The following FAM13A variants were observed in gnomAD, a reference collection of about 807,000 sequenced individuals.
FAM13A encodes family with sequence similarity 13 member A, also known as protein FAM13A.
Under a neutral mutation model 129.6 loss-of-function variants are expected in FAM13A, and 76 were observed. The ratio of observed to expected loss-of-function variants is 0.59; its 90% CI spans 0.49 to 0.71. FAM13A has a LOEUF of 0.71. Ranked by LOEUF, FAM13A falls within the 30% of genes least tolerant of loss-of-function variation. The pLI is 0.00. For synonymous variants in FAM13A, 443 were observed against 449.9 expected (o/e 0.98, Z 0.20); for missense variants, 1,108 against 1,249.3 (o/e 0.89, Z 1.70).
intron 8 of FAM13A, among the ~76,000 whole-genome samples, chr4:88,801,324 G>C (rs1727420193): frequency 6.6e-6 from 1 of 152,278 alleles, no homozygotes; most frequent in Non-Finnish European, 1.5e-5. Flanking sequence ...ATTAGAAACA[G>C]TAAGTCTATC....
At chr4:88,780,398 A>C (rs567603949) in intron 11 of FAM13A, among the ~76,000 whole-genome samples, 58 of 152,304 alleles carry the variant, frequency 3.8e-4, no homozygotes, top group African/African-American at 1.4e-3. Context: ...GCCTATTTTT[A>C]TTAGGGATTC....
chr4:88,854,011 C>T (rs1036051508), intron 6 of FAM13A, among the ~76,000 whole-genome samples: 10 of 152,194 alleles, frequency 6.6e-5, no homozygotes, highest in Non-Finnish European at 1.3e-4. Context: ...CTATCGGCTT[C>T]CCTACTTTTG....
chr4:88,846,867 T>C (rs989309488), intron 7 of FAM13A, among the ~76,000 whole-genome samples: 5 of 152,214 alleles, frequency 3.3e-5, no homozygotes, highest in Non-Finnish European at 7.3e-5. Flanking sequence ...ATTTAAAATA[T>C]ATGAACTAGC....
At chr4:88,843,782 A>C (rs1578919148) in intron 7 of FAM13A, among the ~76,000 whole-genome samples, 1 of 152,264 alleles carries the variant, frequency 6.6e-6, no homozygotes, top group Admixed American at 6.5e-5. Context: ...AGAGCTGCAG[A>C]GAAATGTTAC....
At chr4:88,952,393 G>A (rs998825107) in intron 4 of FAM13A, among the ~76,000 whole-genome samples, 5 of 151,856 alleles carry the variant, frequency 3.3e-5, no homozygotes, top group Non-Finnish European at 5.9e-5. Flanking sequence ...GCATAATGGC[G>A]GCTATCAAAA....
chr4:88,933,537 C>T (rs1753378348), intron 5 of FAM13A, among the ~76,000 whole-genome samples: 1 of 152,106 alleles, frequency 6.6e-6, no homozygotes, highest in South Asian at 2.1e-4. Flanking sequence ...GATAGCTCAA[C>T]CTCCAAAATC....
At chr4:88,784,192 G>C (rs748886948) in intron 10 of FAM13A, among the ~76,000 whole-genome samples, 2 of 152,120 alleles carry the variant, frequency 1.3e-5, no homozygotes, top group Non-Finnish European at 2.9e-5. Flanking sequence ...GTGCATCCAC[G>C]TGTCTCTTCT....
At chr4:88,733,612 C>G (rs1172529850) in intron 21 of FAM13A, among the ~76,000 whole-genome samples, 1 of 152,278 alleles carries the variant, frequency 6.6e-6, no homozygotes, top group South Asian at 2.1e-4. Context: ...TCCTTCCCCT[C>G]CCCTGGATAA....
rs1762865728 is a variant in FAM13A at position 88,991,029 on chromosome 4, C to G, written c.549G>C (p.Val183=). ...GATTGTGAACATTCATGCGATTCTG[C>G]ACATGATGCTTGGCTACTTTTGTCA... ...QFLTKVAKHH[V]QNRMNVHNLA... The change falls in exon 4 of 24, where the codon GTG becomes GTC. Residue 183 remains valine, a synonymous_variant. Transcript: ENST00000264344. 1 of 1,614,176 alleles carries G rather than the reference C, an allele frequency of 6.2e-7. No homozygotes were observed. The highest frequency in any genetic ancestry group is 8.5e-7 in the Non-Finnish European group (1 of 1,180,020).
intron 4 of FAM13A, among the ~76,000 whole-genome samples, chr4:88,984,476 CAGA>C (rs1364341519): frequency 6.6e-6 from 1 of 151,958 alleles, no homozygotes; most frequent in Non-Finnish European, 1.5e-5. Flanking sequence ...TAAAAATAGG[CAGA>C]AGATCTGAAT....
At chr4:88,762,550 G>T (rs116285816) in intron 13 of FAM13A, among the ~76,000 whole-genome samples, 2,041 of 152,222 alleles carry the variant, frequency 0.013, 39 homozygotes, top group African/African-American at 0.047. Context: ...TGACAGGGTT[G>T]CCTTGCCTAG....
intron 6 of FAM13A, among the ~76,000 whole-genome samples, chr4:88,896,361 G>A (rs998005617): frequency 5.9e-5 from 9 of 151,798 alleles, no homozygotes; most frequent in Admixed American, 5.2e-4. Context: ...CGTGGCACAC[G>A]TATACATATG....
At chr4:88,803,905 C>A (rs10012624) in intron 8 of FAM13A, among the ~76,000 whole-genome samples, 76,977 of 152,056 alleles carry the variant, frequency 0.51, 19,704 homozygotes, top group East Asian at 0.69. Context: ...AAGTCAGATT[C>A]AAAAATAAAT....
chr4:88,934,255 ACTACATATTTTCT>A (rs1753505479), intron 5 of FAM13A, among the ~76,000 whole-genome samples: 1 of 152,144 alleles, frequency 6.6e-6, no homozygotes, highest in African/African-American at 2.4e-5. Flanking sequence ...CATCTGACAT[ACTACATATTTTCT>A]TTTCTTTTTT....
At chr4:88,999,186 T>C (rs769919535) in intron 3 of FAM13A, among the ~76,000 whole-genome samples, 4 of 152,190 alleles carry the variant, frequency 2.6e-5, no homozygotes, top group Non-Finnish European at 4.4e-5. Flanking sequence ...TTTAGTCCTA[T>C]AACCAAAACA....
chr4:88,769,810 A>G (rs1232003914), intron 11 of FAM13A, among the ~76,000 whole-genome samples: 2 of 151,952 alleles, frequency 1.3e-5, no homozygotes, highest in African/African-American at 2.4e-5. Context: ...CAGCCTGGCG[A>G]CAGAGCGAGA....
At chr4:88,936,336 A>C (rs1753836111) in intron 5 of FAM13A, 1 of 152,416 alleles carries the variant, frequency 6.6e-6, no homozygotes, top group South Asian at 2.1e-4. Context: ...CATACAGAAC[A>C]TCTGCCTCTA....
intron 7 of FAM13A, among the ~76,000 whole-genome samples, chr4:88,814,025 C>T (rs185842490): frequency 4.7e-4 from 72 of 152,246 alleles, no homozygotes; most frequent in Admixed American, 4.7e-3. Context: ...AAAAAGGATA[C>T]ATAACTACCA....
intron 1 of FAM13A, among the ~76,000 whole-genome samples, chr4:89,046,583 C>G (rs1366834626): frequency 2.6e-5 from 4 of 152,200 alleles, no homozygotes; most frequent in African/African-American, 9.6e-5. Flanking sequence ...GGCACAGTAG[C>G]TCATGCCTGT....
Sources: gnomAD v4.1 joint callset for allele counts (sites outside exome capture counted in the v4.1 genomes callset) on GRCh38, gnomAD v4.1.1 for gene constraint, MANE v1.5 for transcripts, NCBI Gene and HGNC (gene_info 2026-07-23, HGNC 2026-07-21) for gene names.